LIPI: variants seen among roughly 807,000 people sequenced by gnomAD.
LIPI encodes the protein lipase member I.
Under a neutral mutation model 50.6 loss-of-function variants are expected in LIPI, and 59 were observed. That is an observed-to-expected ratio of 1.16 (90% CI 0.94 to 1.45). The LOEUF (loss-of-function observed/expected upper bound fraction) is 1.45. Ranked by LOEUF, LIPI falls within the 40% of genes most tolerant of loss-of-function variation. LIPI has a pLI of 0.00. For missense variants in LIPI, 586 were observed against 536.3 expected (o/e 1.09, Z -0.92); for synonymous variants, 203 against 178.2 (o/e 1.14, Z -1.11).
intron 8 of LIPI, among the ~76,000 whole-genome samples, chr21:14,148,740 C>T (rs961397280): frequency 6.6e-6 from 1 of 152,192 alleles, no homozygotes; most frequent in Non-Finnish European, 1.5e-5. Context: ...ATGCATTTCT[C>T]AGAGGATATT....
intron 9 of LIPI, among the ~76,000 whole-genome samples, chr21:14,121,368 A>G (rs2016854701): frequency 6.6e-6 from 1 of 152,188 alleles, no homozygotes; most frequent in Non-Finnish European, 1.5e-5. Context: ...GGTATTACCC[A>G]TGGTCCTTCT....
At chr21:14,137,189 A>G (rs2017530187) in intron 9 of LIPI, among the ~76,000 whole-genome samples, 1 of 152,226 alleles carries the variant, frequency 6.6e-6, no homozygotes, top group African/African-American at 2.4e-5. Flanking sequence ...AAGAACATCT[A>G]CTAGCATCAA....
chr21:14,195,608 C>T (rs769881271), intron 1 of LIPI, among the ~76,000 whole-genome samples: 19 of 152,020 alleles, frequency 1.2e-4, no homozygotes, highest in Non-Finnish European at 2.5e-4. Flanking sequence ...CTCTAAGATA[C>T]GATACACAGT....
At chr21:14,183,733 C>G (rs1301308387) in intron 3 of LIPI, among the ~76,000 whole-genome samples, 1 of 152,168 alleles carries the variant, frequency 6.6e-6, no homozygotes, top group Non-Finnish European at 1.5e-5. Context: ...AAATGCTCAT[C>G]ATCACTGGCC....
In LIPI at chr21:14,172,782, G is replaced by C. The variant is rs531676594; in HGVS notation, c.644-6331C>G. On this transcript the variant is annotated intron_variant, in intron 4 of 9. Transcript: ENST00000681601. The stretch of plus-strand genomic sequence containing the variant: ...CCTAATGCTAAATGACGAGTTAATG[G>C]GTGCAGCACACCAGCATGGCACATG... Among the ~76,000 whole-genome samples the C allele has an allele frequency of 4.0e-5, 6 of 151,578 alleles. No homozygotes were observed. In the South Asian group the frequency reaches 1.0e-3, roughly 26 times the overall value.
intron 1 of LIPI, chr21:14,206,949 TA>T (rs756942113): frequency 7.1e-7 from 1 of 1,414,366 alleles, no homozygotes; most frequent in Non-Finnish European, 1.0e-6. Context: ...AGAAGTTCAC[TA>T]GCTCTTTGTT....
Position 14,165,327 on chromosome 21 carries a change from G to A in LIPI, c.797C>T (p.Thr266Ile), listed in dbSNP as rs138935609. The change falls in exon 6 of 10, where the codon ACA becomes ATA. Residue 266 changes from threonine (T) to isoleucine (I), a missense_variant. Transcript: ENST00000681601. ...AGGAAATGAAATAAAATTGCAGTTT[G>A]TTTCTAAAGATGCCATGAACAAGTG... ...AVHLFMASLE[T>I]NCNFISFPCR... 61 of 1,611,306 alleles carry A rather than the reference G, an allele frequency of 3.8e-5. No individual in the cohort carries two copies. The African/African-American group carries it at 7.9e-4, about 21-fold the overall frequency.
chr21:14,166,494 A>G (rs769889407), intron 4 of LIPI, 43 bp from the exon 5 acceptor site: 2 of 999,706 alleles, frequency 2.0e-6, no homozygotes, highest in South Asian at 2.5e-5. Flanking sequence ...GTATATAATC[A>G]GGTGAGTATC....
At chr21:14,167,542 G>T (rs2018735096) in intron 4 of LIPI, among the ~76,000 whole-genome samples, 2 of 152,184 alleles carry the variant, frequency 1.3e-5, no homozygotes, top group African/African-American at 4.8e-5. Flanking sequence ...TCAGACAGCA[G>T]CATTCGCAGT....
intron 9 of LIPI, among the ~76,000 whole-genome samples, chr21:14,134,405 G>A (rs1445609840): frequency 6.6e-6 from 1 of 151,866 alleles, no homozygotes; most frequent in Non-Finnish European, 1.5e-5. Flanking sequence ...ATTTCTATTG[G>A]ATTACCAAAG....
At chr21:14,149,441 G>A (rs906545694) in intron 8 of LIPI, among the ~76,000 whole-genome samples, 1 of 151,998 alleles carries the variant, frequency 6.6e-6, no homozygotes. Context: ...TTCCACCCCT[G>A]GCCTTCCCAA....
intron 1 of LIPI, among the ~76,000 whole-genome samples, chr21:14,202,425 T>G (rs1293211232): frequency 1.3e-5 from 2 of 152,138 alleles, no homozygotes; most frequent in Non-Finnish European, 2.9e-5. Context: ...CTACCTGACT[T>G]CAAACTATAC....
intron 1 of LIPI, among the ~76,000 whole-genome samples, chr21:14,200,650 TAGAA>T (rs1275774486): frequency 6.6e-6 from 1 of 151,882 alleles, no homozygotes; most frequent in Non-Finnish European, 1.5e-5. Context: ...TGCTCATGGA[TAGAA>T]AGAATCAGTA....
chr21:14,159,796 G>C (rs528262220), intron 7 of LIPI, among the ~76,000 whole-genome samples: 3 of 151,292 alleles, frequency 2.0e-5, no homozygotes, highest in African/African-American at 7.2e-5. Context: ...CAAGTTCCCA[G>C]GAAACAAATT....
At chr21:14,135,642 C>G (rs2017468747) in intron 9 of LIPI, among the ~76,000 whole-genome samples, 1 of 152,180 alleles carries the variant, frequency 6.6e-6, no homozygotes, top group Non-Finnish European at 1.5e-5. Context: ...TCAGCAATCC[C>G]AGTAGCCTAA....
At chr21:14,163,628 GATC>G (rs2018573083) in intron 6 of LIPI, 105 bp from the exon 7 acceptor site, 1 of 679,402 alleles carries the variant, frequency 1.5e-6, no homozygotes, top group Admixed American at 2.4e-5. Context: ...TCATCATAAT[GATC>G]ATCATGGATT....
chr21:14,167,215 T>C (rs529571221), intron 4 of LIPI, among the ~76,000 whole-genome samples: 4 of 152,240 alleles, frequency 2.6e-5, no homozygotes, highest in South Asian at 2.1e-4. Flanking sequence ...CTGGGAAGCT[T>C]GAACTGGGTG....
At chr21:14,155,830 C>T (rs2018253237) in intron 7 of LIPI, among the ~76,000 whole-genome samples, 1 of 151,846 alleles carries the variant, frequency 6.6e-6, no homozygotes, top group South Asian at 2.1e-4. Context: ...GAAGTAATTT[C>T]TTCATACAGA....
chr21:14,203,103 T>C (rs1273292873), intron 1 of LIPI, among the ~76,000 whole-genome samples: 1 of 152,152 alleles, frequency 6.6e-6, no homozygotes, highest in Non-Finnish European at 1.5e-5. Flanking sequence ...TCACTGGCCA[T>C]CAGAGAAATG....
Sources: gnomAD v4.1 joint callset for allele counts (sites outside exome capture counted in the v4.1 genomes callset) on GRCh38, gnomAD v4.1.1 for gene constraint, MANE v1.5 for transcripts, NCBI Gene and HGNC (gene_info 2026-07-23, HGNC 2026-07-21) for gene names.